LRP2: variants seen among roughly 807,000 people sequenced by gnomAD.
LRP2 encodes low-density lipoprotein receptor-related protein 2.
A neutral mutation model predicts 531.0 loss-of-function variants in LRP2; 172 were observed. The observed-to-expected ratio is 0.32, with a 90% CI of 0.29 to 0.37. The LOEUF is 0.37. LRP2 is among the 10% of genes least tolerant of loss of function. LRP2 has a pLI of 1.00. For synonymous variants in LRP2, 1,992 were observed against 2,027.6 expected (o/e 0.98, Z 0.47); for missense variants, 5,167 against 5,868.3 (o/e 0.88, Z 3.90).
intron 37 of LRP2, among the ~76,000 whole-genome samples, chr2:169,210,124 A>G (rs1398614662): frequency 6.6e-6 from 1 of 152,202 alleles, no homozygotes; most frequent in Non-Finnish European, 1.5e-5. Flanking sequence ...ATAGAAGAAT[A>G]TTATCTAACA....
chr2:169,186,653 G>A (rs904745699), intron 49 of LRP2, among the ~76,000 whole-genome samples: 6 of 152,178 alleles, frequency 3.9e-5, no homozygotes, highest in Admixed American at 3.3e-4. Context: ...AGTTCACTGT[G>A]CACCCCCAAA....
Position 169,271,089 on chromosome 2 carries a change from A to G in LRP2, c.2135T>C (p.Ile712Thr). 3 of 1,612,820 alleles carry G rather than the reference A, an allele frequency of 1.9e-6. No individual in the cohort carries two copies. Among genetic ancestry groups the G allele is most frequent in the Non-Finnish European group, 2.5e-6 (3 of 1,179,232 alleles). Residue 712 changes from isoleucine (I) to threonine (T), a missense_variant, in exon 16 of 79, where the codon ATT becomes ACT. This residue lies in a region of LRP2 where 2,811 missense variants were observed against 3,058.0 expected (regional missense o/e 0.92). Coordinates refer to ENST00000649046, the MANE Select transcript of LRP2 (RefSeq NM_004525.3). ...ACGAATAGCAACTTGGGATGAAAAA[A>G]TGAGGAAATTCTGAACAGCTGTAGG... The part of the protein sequence containing the change: ...RHCIAVQNFL[I>T]FSSQVAIRGI...
At chr2:169,226,667 G>A in intron 31 of LRP2, 79 bp from the exon 32 acceptor site, 1 of 1,046,862 alleles carries the variant, frequency 9.6e-7, no homozygotes, top group Non-Finnish European at 1.5e-6. Flanking sequence ...GCAATAGCCT[G>A]TTACCATCAT....
intron 77 of LRP2, among the ~76,000 whole-genome samples, chr2:169,132,277 A>G (rs571957799): frequency 4.2e-4 from 64 of 152,308 alleles, no homozygotes; most frequent in African/African-American, 1.4e-3. Context: ...CAATTTCTCA[A>G]CTTAAATGTC....
intron 1 of LRP2, among the ~76,000 whole-genome samples, chr2:169,333,837 G>T (rs939504581): frequency 1.3e-5 from 2 of 152,142 alleles, no homozygotes; most frequent in African/African-American, 4.8e-5. Context: ...TTTGGCCCTG[G>T]TTTGTTATGC....
At chr2:169,244,958 A>C (rs774512106) in intron 21 of LRP2, 26 bp from the exon 22 acceptor site, 1 of 1,614,022 alleles carries the variant, frequency 6.2e-7, no homozygotes. Context: ...ACTGGTCATG[A>C]AGACATTTGT....
intron 1 of LRP2, among the ~76,000 whole-genome samples, chr2:169,335,805 G>A (rs1685387104): frequency 6.6e-6 from 1 of 152,152 alleles, no homozygotes; most frequent in South Asian, 2.1e-4. Context: ...CTTGAAGTCA[G>A]GAGTTCAAGA....
At chr2:169,327,026 C>A in intron 1 of LRP2, among the ~76,000 whole-genome samples, 1 of 150,208 alleles carries the variant, frequency 6.7e-6, no homozygotes, top group Non-Finnish European at 1.5e-5. Flanking sequence ...CCGGCAGCCA[C>A]CCCGTCTGGG....
At chr2:169,296,417 A>G (rs898332650) in intron 4 of LRP2, among the ~76,000 whole-genome samples, 8 of 152,026 alleles carry the variant, frequency 5.3e-5, no homozygotes, top group Admixed American at 1.3e-4. Flanking sequence ...TGTGCCTTCA[A>G]ATGAGTCACA....
At chr2:169,299,621 G>T (rs1327411363) in intron 4 of LRP2, among the ~76,000 whole-genome samples, 1 of 151,654 alleles carries the variant, frequency 6.6e-6, no homozygotes, top group African/African-American at 2.4e-5. Flanking sequence ...ATGCTCCAAG[G>T]AATAGTACAA....
chr2:169,296,733 C>A (rs370669858), intron 4 of LRP2, among the ~76,000 whole-genome samples: 1 of 152,104 alleles, frequency 6.6e-6, no homozygotes, highest in East Asian at 1.9e-4. Flanking sequence ...CTCTCGTTTT[C>A]TTCATCCTGC....
intron 68 of LRP2, among the ~76,000 whole-genome samples, chr2:169,147,417 C>T (rs1236325543): frequency 1.3e-5 from 2 of 152,108 alleles, no homozygotes; most frequent in East Asian, 1.9e-4. Flanking sequence ...TGGGCTCAAG[C>T]GATCCTCTCA....
chr2:169,289,376 C>T (rs578162912), intron 8 of LRP2, among the ~76,000 whole-genome samples: 24 of 152,090 alleles, frequency 1.6e-4, no homozygotes, highest in African/African-American at 5.8e-4. Context: ...GTAGCTACAC[C>T]TCATATTCAC....
intron 77 of LRP2, among the ~76,000 whole-genome samples, chr2:169,130,130 G>A (rs1210859298): frequency 2.0e-5 from 3 of 152,136 alleles, no homozygotes; most frequent in African/African-American, 7.2e-5. Flanking sequence ...TAAGTGGGGC[G>A]GGCCAAAGTC....
intron 47 of LRP2, 105 bp from the exon 48 acceptor site, chr2:169,192,138 G>A: frequency 1.3e-6 from 1 of 748,526 alleles, no homozygotes; most frequent in South Asian, 2.0e-5. Context: ...AAGGAAATGG[G>A]AGGAAAACAC....
At chr2:169,161,781 C>T (rs1686598113) in intron 63 of LRP2, among the ~76,000 whole-genome samples, 1 of 152,154 alleles carries the variant, frequency 6.6e-6, no homozygotes. Flanking sequence ...GCCACTCCCT[C>T]AACTTTAAAA....
chr2:169,328,222 C>G (rs1265556866), intron 1 of LRP2, among the ~76,000 whole-genome samples: 1 of 118,772 alleles, frequency 8.4e-6, no homozygotes, highest in Non-Finnish European at 1.8e-5. Context: ...CCAGCCGCCC[C>G]GTCCGGGAGG....
intron 24 of LRP2, 126 bp from the exon 25 acceptor site, chr2:169,241,491 A>AT: frequency 1.0e-6 from 1 of 992,462 alleles, no homozygotes; most frequent in Non-Finnish European, 1.6e-6. Flanking sequence ...GACCAAATTA[A>AT]TATTTAAGGC....
intron 16 of LRP2, among the ~76,000 whole-genome samples, chr2:169,262,865 G>C (rs1469360952): frequency 2.0e-5 from 3 of 152,042 alleles, no homozygotes; most frequent in East Asian, 1.9e-4. Context: ...GCTATAGTAA[G>C]CAAAACAGCA....
Sources: gnomAD v4.1 joint callset for allele counts (sites outside exome capture counted in the v4.1 genomes callset) on GRCh38, gnomAD v4.1.1 for gene constraint, gnomAD v4.1.1 regional missense constraint, MANE v1.5 for transcripts, NCBI Gene and HGNC (gene_info 2026-07-23, HGNC 2026-07-21) for gene names.